EXOC4: variants seen among roughly 807,000 people sequenced by gnomAD.
The protein encoded by EXOC4 is SEC8-like 1.
Under a neutral mutation model 107.2 loss-of-function variants are expected in EXOC4, and 71 were observed. The ratio of observed to expected loss-of-function variants is 0.66; its 90% CI spans 0.55 to 0.81. The LOEUF (loss-of-function observed/expected upper bound fraction) is 0.81. Among genes scored for constraint, EXOC4 ranks in the 30% least tolerant of loss-of-function variants. EXOC4 has a pLI of 0.00. For synonymous variants in EXOC4, 456 were observed against 441.2 expected (o/e 1.03, Z -0.42); for missense variants, 1,108 against 1,189.6 (o/e 0.93, Z 1.01).
chr7:133,706,996 T>C (rs1441400058), intron 10 of EXOC4, among the ~76,000 whole-genome samples: 1 of 151,954 alleles, frequency 6.6e-6, no homozygotes, highest in African/African-American at 2.4e-5. Flanking sequence ...ATTTATAACC[T>C]CAAGCTTTCA....
chr7:133,930,148 T>A (rs1585256494), intron 13 of EXOC4, among the ~76,000 whole-genome samples: 1 of 152,336 alleles, frequency 6.6e-6, no homozygotes, highest in Non-Finnish European at 1.5e-5. Flanking sequence ...TCCTATCACC[T>A]GGTAATCTAT....
intron 10 of EXOC4, among the ~76,000 whole-genome samples, chr7:133,693,523 A>G (rs1453992051): frequency 6.6e-6 from 1 of 152,136 alleles, no homozygotes; most frequent in African/African-American, 2.4e-5. Context: ...GCATCCTTCA[A>G]TCCAATCCGG....
intron 10 of EXOC4, among the ~76,000 whole-genome samples, chr7:133,678,630 A>C: frequency 6.8e-6 from 1 of 146,988 alleles, no homozygotes; most frequent in South Asian, 2.1e-4. Flanking sequence ...TTCTTTGTTG[A>C]GACAGGTTCT....
At chr7:133,564,561 A>T (rs547763635) in intron 9 of EXOC4, among the ~76,000 whole-genome samples, 1 of 152,276 alleles carries the variant, frequency 6.6e-6, no homozygotes, top group Non-Finnish European at 1.5e-5. Flanking sequence ...AAGATGGAAT[A>T]TAAGTTGTTT....
chr7:133,299,078 C>T (rs1794586205), intron 3 of EXOC4, among the ~76,000 whole-genome samples: 1 of 152,206 alleles, frequency 6.6e-6, no homozygotes, highest in South Asian at 2.1e-4. Flanking sequence ...TTGGAAAGAA[C>T]TAGGTTAAAA....
Position 133,882,512 on chromosome 7 carries a change from G to T in EXOC4, c.1735-13087G>T, listed in dbSNP as rs532413653. ...ATCTCACAGACCACTGGGGAAGGCAGACCCTAAACAAGCAATTATAAGTAT... is the reference window on the plus strand; with the variant it reads ...ATCTCACAGACCACTGGGGAAGGCATACCCTAAACAAGCAATTATAAGTAT... On this transcript the variant is annotated intron_variant, in intron 11 of 17. Coordinates refer to ENST00000253861, the MANE Select transcript of EXOC4 (RefSeq NM_021807.4). Among the ~76,000 whole-genome samples, 3 of 152,296 alleles carry T rather than the reference G, an allele frequency of 2.0e-5. No individual in the cohort carries two copies. The East Asian group carries it at 5.8e-4, about 29-fold the overall frequency.
chr7:133,686,815 T>TA (rs1794307891), intron 10 of EXOC4, among the ~76,000 whole-genome samples: 1 of 152,028 alleles, frequency 6.6e-6, no homozygotes, highest in African/African-American at 2.4e-5. Context: ...CTTAAAGAAC[T>TA]AAAAGTAGAA....
intron 10 of EXOC4, among the ~76,000 whole-genome samples, chr7:133,648,716 T>C (rs1803056366): frequency 6.6e-6 from 1 of 152,188 alleles, no homozygotes; most frequent in Admixed American, 6.5e-5. Context: ...ATAAAGGATT[T>C]GCAATTTGAT....
At chr7:133,870,854 T>C (rs1321849798) in intron 11 of EXOC4, among the ~76,000 whole-genome samples, 1 of 152,222 alleles carries the variant, frequency 6.6e-6, no homozygotes, top group East Asian at 1.9e-4. Flanking sequence ...GTCATTTTTG[T>C]TTTCCCTCTT....
At chr7:134,042,926 A>G (rs1795553714) in intron 17 of EXOC4, among the ~76,000 whole-genome samples, 2 of 152,192 alleles carry the variant, frequency 1.3e-5, no homozygotes, top group Non-Finnish European at 2.9e-5. Context: ...AATCTCAGCT[A>G]CTGGTGCCGG....
rs1454648825 is a variant in EXOC4 at position 133,534,261 on chromosome 7, A to C, written c.1417+54123A>C. Reference sequence around the variant, plus strand: ...TTTAAATGATGTCACATTGAAATGTACATTTGCACAAATTTATGTATAATC... The same window carrying C: ...TTTAAATGATGTCACATTGAAATGTCCATTTGCACAAATTTATGTATAATC... On this transcript the variant is annotated intron_variant, in intron 9 of 17. Transcript: ENST00000253861. 3.3e-5 allele frequency among the ~76,000 whole-genome samples: 5 copies of C among 152,308 alleles called. No homozygotes were observed. The East Asian group carries it at 9.6e-4, about 29-fold the overall frequency.
At chr7:133,609,824 T>A (rs138129222) in intron 9 of EXOC4, among the ~76,000 whole-genome samples, 8 of 152,322 alleles carry the variant, frequency 5.3e-5, no homozygotes, top group African/African-American at 1.7e-4. Context: ...AGCTTAGAAT[T>A]GGCCACGATG....
intron 9 of EXOC4, among the ~76,000 whole-genome samples, chr7:133,486,991 C>CT (rs1346150254): frequency 6.6e-6 from 1 of 152,104 alleles, no homozygotes; most frequent in Non-Finnish European, 1.5e-5. Context: ...ACTTTTTAGC[C>CT]TTAATTGATG....
chr7:133,579,541 T>A (rs769269863), intron 9 of EXOC4, among the ~76,000 whole-genome samples: 3 of 152,184 alleles, frequency 2.0e-5, no homozygotes, highest in Non-Finnish European at 4.4e-5. Context: ...TGTTACTAAC[T>A]CCATCCATAT....
chr7:134,074,607 A>G, the EXOC4 span, among the ~76,000 whole-genome samples: 1 of 152,184 alleles, frequency 6.6e-6, no homozygotes, highest in Non-Finnish European at 1.5e-5. Context: ...GAGAGTGGGG[A>G]TGCCTAGTTC....
At chr7:133,682,991 A>G (rs1206513697) in intron 10 of EXOC4, among the ~76,000 whole-genome samples, 1 of 152,190 alleles carries the variant, frequency 6.6e-6, no homozygotes, top group African/African-American at 2.4e-5. Context: ...CTGATCTTAC[A>G]GAGATGTTGT....
In EXOC4 at chr7:133,836,331, C is replaced by T. The variant is rs73437321; in HGVS notation, c.1734+18787C>T. Among the ~76,000 whole-genome samples, 465 of 152,150 alleles carry T rather than the reference C, an allele frequency of 3.1e-3. 5 individuals are homozygous for T. Among genetic ancestry groups the T allele is most frequent in the African/African-American group, 0.011 (450 of 41,560 alleles). Reference sequence around the variant, plus strand: ...ATTTCTTCGCTGGAGTCAAGTTCAACACATTAAGTGCTTTGTCTAAGATGA... The same window carrying T: ...ATTTCTTCGCTGGAGTCAAGTTCAATACATTAAGTGCTTTGTCTAAGATGA... On this transcript the variant is annotated intron_variant, in intron 11 of 17. Coordinates refer to ENST00000253861, the MANE Select transcript of EXOC4 (RefSeq NM_021807.4).
chr7:133,695,882 A>C (rs1235547893), intron 10 of EXOC4, among the ~76,000 whole-genome samples: 1 of 152,318 alleles, frequency 6.6e-6, no homozygotes, highest in South Asian at 2.1e-4. Context: ...GGACCATCCA[A>C]ATTCATTTGT....
intron 9 of EXOC4, among the ~76,000 whole-genome samples, chr7:133,516,384 G>T (rs1237148225): frequency 6.6e-6 from 1 of 152,048 alleles, no homozygotes. Flanking sequence ...GTCTTAGGCA[G>T]ACAAAATTAT....
Sources: gnomAD v4.1 joint callset for allele counts (sites outside exome capture counted in the v4.1 genomes callset) on GRCh38, gnomAD v4.1.1 for gene constraint, MANE v1.5 for transcripts, NCBI Gene and HGNC (gene_info 2026-07-23, HGNC 2026-07-21) for gene names.